CSTA: variants seen among roughly 807,000 people sequenced by gnomAD.
The protein encoded by CSTA is cystatin A, also known as cystatin-A.
In CSTA, 9 loss-of-function variants were observed where a neutral mutation model predicts 9.2. The observed-to-expected ratio is 0.97, with a 90% CI of 0.59 to 1.70. The LOEUF (loss-of-function observed/expected upper bound fraction) is 1.70. CSTA is among the 40% of genes most tolerant of loss of function. The pLI is 0.00. For synonymous variants in CSTA, 36 were observed against 40.6 expected (o/e 0.89, Z 0.43); for missense variants, 118 against 113.1 (o/e 1.04, Z -0.20).
At chr3:122,330,073 T>C (rs2075195441) in intron 1 of CSTA, among the ~76,000 whole-genome samples, 1 of 152,218 alleles carries the variant, frequency 6.6e-6, no homozygotes, top group South Asian at 2.1e-4. Flanking sequence ...AGGCAGGTAT[T>C]ATTATAACCG....
intron 1 of CSTA, among the ~76,000 whole-genome samples, chr3:122,333,596 AAG>A (rs1257530530): frequency 1.3e-5 from 2 of 149,646 alleles, no homozygotes; most frequent in African/African-American, 2.5e-5. Context: ...AGAAAGAAGA[AAG>A]AGAGAGAGAG....
At chr3:122,336,352 G>C (rs1351061349) in intron 1 of CSTA, among the ~76,000 whole-genome samples, 3 of 152,166 alleles carry the variant, frequency 2.0e-5, no homozygotes, top group Non-Finnish European at 4.4e-5. Flanking sequence ...CATGTTGAAA[G>C]AACACAGGCA....
intron 1 of CSTA, among the ~76,000 whole-genome samples, chr3:122,336,076 G>A (rs929185781): frequency 6.6e-5 from 10 of 151,892 alleles, no homozygotes; most frequent in South Asian, 2.1e-4. Context: ...ACACAAATGC[G>A]TAAAGATGTG....
chr3:122,331,408 C>T (rs1420935059), intron 1 of CSTA, among the ~76,000 whole-genome samples: 4 of 152,156 alleles, frequency 2.6e-5, no homozygotes, highest in Admixed American at 2.0e-4. Context: ...CAGGCACCTA[C>T]CTTCCCAACT....
rs560954129 is a variant in CSTA at position 122,329,122 on chromosome 3, T to C, written c.66+3764T>C. ...GTGGGACTACAGGCGCCCGCCACCA[T>C]GCCTGGCTAATTTTTTGTATTTTTT... On this transcript the variant is annotated intron_variant, in intron 1 of 2. Coordinates refer to ENST00000264474, the MANE Select transcript of CSTA (RefSeq NM_005213.4). 8.8e-4 allele frequency among the ~76,000 whole-genome samples: 133 copies of C among 151,130 alleles called. 2 individuals carry two copies. Among genetic ancestry groups the C allele is most frequent in the Middle Eastern group, 3.4e-3 (1 of 294 alleles).
At chr3:122,333,810 A>C (rs2107667082) in intron 1 of CSTA, among the ~76,000 whole-genome samples, 1 of 152,368 alleles carries the variant, frequency 6.6e-6, no homozygotes, top group Middle Eastern at 3.4e-3. Flanking sequence ...GAAAAGCAGA[A>C]GGAACACAGA....
chr3:122,340,638 C>T (rs1167086435), intron 2 of CSTA, among the ~76,000 whole-genome samples: 1 of 152,174 alleles, frequency 6.6e-6, no homozygotes, highest in Non-Finnish European at 1.5e-5. Flanking sequence ...GTGTCCGCCC[C>T]CTGGGCTCTG....
chr3:122,336,666 C>T (rs1277627762), intron 1 of CSTA, among the ~76,000 whole-genome samples: 1 of 152,126 alleles, frequency 6.6e-6, no homozygotes. Flanking sequence ...AACAAGACTC[C>T]TCACAAGACA....
chr3:122,338,102 C>T (rs983307160), intron 2 of CSTA: 2 of 158,356 alleles, frequency 1.3e-5, no homozygotes, highest in African/African-American at 2.4e-5. Context: ...TAATTTAAAC[C>T]TTTTTTGCCC....
chr3:122,341,780 T>C lies in CSTA; in HGVS notation c.*213T>C. 10 of 579,706 alleles carry C rather than the reference T, an allele frequency of 1.7e-5. No homozygotes were observed. In the South Asian group the frequency reaches 2.0e-4, roughly 12 times the overall value. 35.9% of individuals were successfully genotyped at this position (579,706 alleles called of 1,614,324 possible). On this transcript the variant is annotated 3_prime_UTR_variant, in exon 3 of 3. Transcript: ENST00000264474. ...TAAACTCCATATAAATTGATGGCAA[T>C]TGGAAATCTTATAAAAACTAGTCAA...
intron 1 of CSTA, among the ~76,000 whole-genome samples, chr3:122,328,578 C>T (rs2107665166): frequency 6.6e-6 from 1 of 151,468 alleles, no homozygotes; most frequent in African/African-American, 2.4e-5. Context: ...CCCTCTCTAC[C>T]ACACAGTGGC....
In CSTA at chr3:122,327,501, C is replaced by T. The variant is rs756306383; in HGVS notation, c.66+2143C>T. Among the ~76,000 whole-genome samples the T allele has an allele frequency of 5.8e-5, 8 of 137,904 alleles. 1 individual carries two copies. The Middle Eastern group carries it at 0.014, about 244-fold the overall frequency. 90.5% of individuals were successfully genotyped at this position (137,904 alleles called of 152,430 possible). A position where few individuals can be genotyped will look rare whatever the true frequency, so the allele number is the denominator to read the frequency against. On this transcript the variant is annotated intron_variant, in intron 1 of 2. Coordinates refer to ENST00000264474, the MANE Select transcript of CSTA (RefSeq NM_005213.4). ...CCGAGATTGCACCACTGCACTCCAGCCTGGGCAACAGAGTGAGACTCCGTC... is the reference window on the plus strand; with the variant it reads ...CCGAGATTGCACCACTGCACTCCAGTCTGGGCAACAGAGTGAGACTCCGTC...
chr3:122,335,205 C>T (rs181635674), intron 1 of CSTA, among the ~76,000 whole-genome samples: 1 of 152,178 alleles, frequency 6.6e-6, no homozygotes, highest in Non-Finnish European at 1.5e-5. Flanking sequence ...TAAACCCAAC[C>T]CATATCCCTC....
intron 1 of CSTA, among the ~76,000 whole-genome samples, chr3:122,332,280 G>A (rs926319048): frequency 6.6e-6 from 1 of 152,030 alleles, no homozygotes; most frequent in Non-Finnish European, 1.5e-5. Context: ...TCCTCTCTTA[G>A]CCAGGTGACT....
intron 1 of CSTA, among the ~76,000 whole-genome samples, chr3:122,334,865 G>A (rs1433652154): frequency 6.6e-6 from 1 of 152,168 alleles, no homozygotes; most frequent in Non-Finnish European, 1.5e-5. Context: ...GATTCACACT[G>A]CAGAACGTCA....
intron 2 of CSTA, among the ~76,000 whole-genome samples, chr3:122,339,052 C>T (rs2075250587): frequency 6.6e-6 from 1 of 152,076 alleles, no homozygotes; most frequent in South Asian, 2.1e-4. Context: ...GATCCCTTTG[C>T]TCTGAGGCAC....
At chr3:122,337,336 T>C (rs1407089387) in intron 1 of CSTA, among the ~76,000 whole-genome samples, 2 of 152,232 alleles carry the variant, frequency 1.3e-5, no homozygotes, top group Non-Finnish European at 2.9e-5. Context: ...ACTGAGTTGA[T>C]GTGAATTCAG....
chr3:122,328,751 C>T (rs977500629), intron 1 of CSTA, among the ~76,000 whole-genome samples: 1 of 151,582 alleles, frequency 6.6e-6, no homozygotes, highest in Non-Finnish European at 1.5e-5. Context: ...GCCTGGCCAA[C>T]ATAGCTTTCT....
chr3:122,337,085 T>C (rs186522791), intron 1 of CSTA, among the ~76,000 whole-genome samples: 1 of 152,224 alleles, frequency 6.6e-6, no homozygotes, highest in African/African-American at 2.4e-5. Context: ...AATAGTATTA[T>C]ACCATGTTAA....
Sources: allele counts gnomAD v4.1 joint callset (sites outside exome capture counted in the v4.1 genomes callset), GRCh38; gene constraint gnomAD v4.1.1; transcripts MANE v1.5; gene names NCBI Gene and HGNC (gene_info 2026-07-23, HGNC 2026-07-21).